The following ASAP1 variants were observed in gnomAD, a reference collection of about 807,000 sequenced individuals.
The protein encoded by ASAP1 is ArfGAP with SH3 domain, ankyrin repeat and PH domain 1.
In ASAP1, 43 loss-of-function variants were observed where a neutral mutation model predicts 145.2. The observed-to-expected ratio is 0.30, with a 90% CI of 0.23 to 0.38. The LOEUF is 0.38. Among genes scored for constraint, ASAP1 ranks in the 10% least tolerant of loss-of-function variants. ASAP1 has a pLI of 1.00. For synonymous variants in ASAP1, 546 were observed against 515.5 expected, an observed-to-expected ratio of 1.06 and a Z score of -0.80; for missense variants, 1,018 against 1,355.3, an observed-to-expected ratio of 0.75 and a Z score of 3.91.
intron 2 of ASAP1, among the ~76,000 whole-genome samples, chr8:130,378,744 A>C (rs181149731): frequency 1.1e-4 from 17 of 152,346 alleles, no homozygotes; most frequent in African/African-American, 4.1e-4. Context: ...GCACCGCATG[A>C]ACACACAGTA....
At chr8:130,422,545 G>A (rs1829763336) in intron 1 of ASAP1, among the ~76,000 whole-genome samples, 1 of 152,084 alleles carries the variant, frequency 6.6e-6, no homozygotes, top group East Asian at 1.9e-4. Context: ...CTCCTAAGCT[G>A]TCTCTGTCAA....
chr8:130,085,849 C>G (rs1564941899), intron 25 of ASAP1, among the ~76,000 whole-genome samples: 1 of 151,982 alleles, frequency 6.6e-6, no homozygotes, highest in Non-Finnish European at 1.5e-5. Flanking sequence ...CTATCAAAAG[C>G]CTGCCTTAGA....
chr8:130,262,416 A>AAGAGAGAGAGAG (rs71513089), intron 3 of ASAP1, among the ~76,000 whole-genome samples: 20 of 57,862 alleles, frequency 3.5e-4, no homozygotes, highest in African/African-American at 1.2e-3. Context: ...AAAAAAAAAA[A>AAGAGAGAGAGAG]AGAGAGAGAG....
intron 5 of ASAP1, among the ~76,000 whole-genome samples, chr8:130,189,130 T>G (rs1272172522): frequency 6.6e-6 from 1 of 152,214 alleles, no homozygotes; most frequent in Admixed American, 6.5e-5. Flanking sequence ...AATTGGGGTT[T>G]CCATCACCTC....
chr8:130,061,759 C>T lies in ASAP1; in HGVS notation c.2702-690G>A, dbSNP rs192307218. ...CATAGTCTGAAACTTTGCTTTTCTC[C>T]CACTTACTATGTTTAGGAAAGCTCC... On this transcript the variant is annotated intron_variant, in intron 27 of 29. Transcript: ENST00000518721. Among the ~76,000 whole-genome samples the T allele has an allele frequency of 8.9e-4, 136 of 152,264 alleles. 2 individuals are homozygous for T. In the East Asian group the frequency reaches 0.025, roughly 28 times the overall value.
chr8:130,181,541 C>T (rs1213384182), intron 7 of ASAP1, among the ~76,000 whole-genome samples: 1 of 152,138 alleles, frequency 6.6e-6, no homozygotes, highest in Non-Finnish European at 1.5e-5. Flanking sequence ...TCCAACATTC[C>T]TCTAAACTTG....
At chr8:130,332,603 A>G (rs1018499766) in intron 3 of ASAP1, among the ~76,000 whole-genome samples, 1 of 152,114 alleles carries the variant, frequency 6.6e-6, no homozygotes, top group Non-Finnish European at 1.5e-5. Flanking sequence ...ATGCAAAACA[A>G]CTTTTCGTTT....
At chr8:130,209,910 G>C (rs1454785848) in intron 5 of ASAP1, among the ~76,000 whole-genome samples, 1 of 152,120 alleles carries the variant, frequency 6.6e-6, no homozygotes, top group Non-Finnish European at 1.5e-5. Context: ...ACAACTGATA[G>C]CATTTATTGC....
chr8:130,193,881 G>T (rs149539366), intron 5 of ASAP1, among the ~76,000 whole-genome samples: 348 of 152,228 alleles, frequency 2.3e-3, no homozygotes, highest in African/African-American at 8.2e-3. Flanking sequence ...GCAGATATGG[G>T]GTCTTCCCTT....
intron 24 of ASAP1, among the ~76,000 whole-genome samples, chr8:130,096,111 T>A (rs1245937292): frequency 6.6e-6 from 1 of 152,174 alleles, no homozygotes; most frequent in African/African-American, 2.4e-5. Flanking sequence ...GAAAGGAAGA[T>A]GCTACAAAAT....
At chr8:130,107,871 A>G (rs2097540238) in intron 24 of ASAP1, among the ~76,000 whole-genome samples, 1 of 152,182 alleles carries the variant, frequency 6.6e-6, no homozygotes, top group Admixed American at 6.5e-5. Flanking sequence ...TTTGTGTGGC[A>G]CGGAAAAGAA....
intron 27 of ASAP1, among the ~76,000 whole-genome samples, chr8:130,072,234 T>A (rs958911759): frequency 6.6e-6 from 1 of 152,182 alleles, no homozygotes; most frequent in Admixed American, 6.5e-5. Context: ...GCACCTGATA[T>A]AGCTTGGCTG....
At chr8:130,211,804 A>G (rs952118121) in intron 5 of ASAP1, among the ~76,000 whole-genome samples, 2 of 152,252 alleles carry the variant, frequency 1.3e-5, no homozygotes, top group African/African-American at 2.4e-5. Flanking sequence ...TACAATTTAC[A>G]AAGTCTATAA....
chr8:130,118,078 C>T lies in ASAP1; in HGVS notation c.1880+83G>A, dbSNP rs879042261. Reference sequence around the variant, plus strand: ...GACACAGAAAAAGCTTGCCAATTCCCGATCTAGGCCACTGATAGGACTGGT... The same window carrying T: ...GACACAGAAAAAGCTTGCCAATTCCTGATCTAGGCCACTGATAGGACTGGT... On this transcript the variant is annotated intron_variant, in intron 20 of 29. Coordinates refer to ENST00000518721, the MANE Select transcript of ASAP1 (RefSeq NM_018482.4). 1.0e-5 allele frequency: 12 copies of T among 1,188,236 alleles called. No individual in the cohort carries two copies. In the Admixed American group the frequency reaches 1.8e-4, roughly 18 times the overall value. The allele number at this position is 1,188,236 out of a possible 1,614,324, so 73.6% of individuals were successfully genotyped here.
chr8:130,245,857 G>C (rs1034068823), intron 3 of ASAP1, among the ~76,000 whole-genome samples: 55 of 152,094 alleles, frequency 3.6e-4, no homozygotes, highest in African/African-American at 1.3e-3. Flanking sequence ...CTTAAAGGAA[G>C]CACCATCTTA....
intron 3 of ASAP1, among the ~76,000 whole-genome samples, chr8:130,258,294 G>T (rs113359937): frequency 0.016 from 2,494 of 152,282 alleles, 68 homozygotes; most frequent in African/African-American, 0.055. Flanking sequence ...CGTGACCCAG[G>T]ATGGTTTGTC....
At chr8:130,293,217 G>A (rs1277161526) in intron 3 of ASAP1, among the ~76,000 whole-genome samples, 1 of 152,122 alleles carries the variant, frequency 6.6e-6, no homozygotes, top group Non-Finnish European at 1.5e-5. Context: ...CAGGTCTGAC[G>A]AGGAGGCTCA....
intron 26 of ASAP1, among the ~76,000 whole-genome samples, chr8:130,077,819 T>A (rs1038833487): frequency 6.6e-6 from 1 of 152,120 alleles, no homozygotes; most frequent in Non-Finnish European, 1.5e-5. Flanking sequence ...GAAATCCTCC[T>A]GTCTCTGGGC....
intron 2 of ASAP1, among the ~76,000 whole-genome samples, chr8:130,359,919 G>A (rs978907254): frequency 2.0e-5 from 3 of 152,218 alleles, no homozygotes; most frequent in East Asian, 1.9e-4. Flanking sequence ...CACCGCGCCC[G>A]GCCCATCTTG....
Sources: gnomAD v4.1 joint callset for allele counts (sites outside exome capture counted in the v4.1 genomes callset) on GRCh38, gnomAD v4.1.1 for gene constraint, MANE v1.5 for transcripts, NCBI Gene and HGNC (gene_info 2026-07-23, HGNC 2026-07-21) for gene names.